Variants in DNM2 observed in about 807,000 individuals in gnomAD.
DNM2 encodes the protein dynamin-2.
A neutral mutation model predicts 99.0 loss-of-function variants in DNM2; 15 were observed. The observed-to-expected ratio is 0.15, with a 90% CI of 0.10 to 0.23. The LOEUF is 0.23. Ranked by LOEUF, DNM2 falls within the 10% of genes least tolerant of loss-of-function variation. The probability of loss-of-function intolerance (pLI) is 1.00; values close to 1 mark genes in which losing one functional copy is unlikely to be tolerated. For synonymous variants in DNM2, 525 were observed against 481.2 expected, an observed-to-expected ratio of 1.09 and a Z score of -1.19; for missense variants, 742 against 1,189.4, an observed-to-expected ratio of 0.62 and a Z score of 5.53.
chr19:10,807,539 C>CTTTT (rs763788862), intron 13 of DNM2, among the ~76,000 whole-genome samples: 3 of 91,214 alleles, frequency 3.3e-5, no homozygotes, highest in African/African-American at 9.1e-5. Context: ...CACGTCCAGC[C>CTTTT]TTTTTTTTTT....
chr19:10,746,480 A>G (rs940607009), intron 1 of DNM2, among the ~76,000 whole-genome samples: 1 of 150,686 alleles, frequency 6.6e-6, no homozygotes, highest in Non-Finnish European at 1.5e-5. Flanking sequence ...CAGGAGTGTA[A>G]TGGTGTGATC....
intron 5 of DNM2, among the ~76,000 whole-genome samples, chr19:10,777,784 G>A (rs868734525): frequency 1.6e-4 from 25 of 151,736 alleles, no homozygotes; most frequent in Middle Eastern, 3.4e-3. Flanking sequence ...TACTAGAGAC[G>A]GGGTTTCACT....
At chr19:10,827,698 C>CCCT (rs1458414009) in intron 18 of DNM2, among the ~76,000 whole-genome samples, 1 of 151,558 alleles carries the variant, frequency 6.6e-6, no homozygotes, top group Non-Finnish European at 1.5e-5. Flanking sequence ...GCTGAAACCC[C>CCCT]CCTCTACTAA....
intron 5 of DNM2, among the ~76,000 whole-genome samples, chr19:10,779,214 CAAAA>C (rs771369368): frequency 9.9e-6 from 1 of 100,504 alleles, no homozygotes. Flanking sequence ...GGGTCTGTCT[CAAAA>C]AAAAAAAAAA....
chr19:10,745,617 AG>A, intron 1 of DNM2, among the ~76,000 whole-genome samples: 1 of 152,214 alleles, frequency 6.6e-6, no homozygotes. Flanking sequence ...GGATCGCTTC[AG>A]CCCAGGAGTT....
chr19:10,732,727 C>T (rs1568267713), intron 1 of DNM2, among the ~76,000 whole-genome samples: 1 of 151,668 alleles, frequency 6.6e-6, no homozygotes, highest in African/African-American at 2.4e-5. Context: ...ATATATATTT[C>T]TAGGTGTGAC....
rs1297563032 is a variant in DNM2, at chr19:10,818,252, C to CT, written c.1672-1727dup. ...CTCCCTCCATGGCCACCGGGCCCCT[C>CT]TCCTATGCTCTGCTCCCTCCATGGC... On this transcript the variant is annotated intron_variant, in intron 15 of 20. Transcript: ENST00000389253. This position sits in a 1 kb window ranked among gnomAD's most constrained non-coding sequence, Gnocchi z 4.3. 4.6e-5 allele frequency among the ~76,000 whole-genome samples: 5 copies of CT among 107,752 alleles called. No individual in the cohort carries two copies. The highest frequency in any genetic ancestry group is 3.2e-4 in the South Asian group (1 of 3,096). 70.7% of individuals were successfully genotyped at this position (107,752 alleles called of 152,430 possible).
intron 6 of DNM2, among the ~76,000 whole-genome samples, chr19:10,785,930 C>T (rs2071543260): frequency 6.6e-6 from 1 of 151,930 alleles, no homozygotes; most frequent in Non-Finnish European, 1.5e-5. Flanking sequence ...TCCCAAGTAG[C>T]TGAGACTACA....
chr19:10,785,760 C>G (rs143322890), intron 6 of DNM2, among the ~76,000 whole-genome samples: 1 of 152,298 alleles, frequency 6.6e-6, no homozygotes, highest in Non-Finnish European at 1.5e-5. Context: ...GACAGATGGC[C>G]AAACTCTGCT....
rs1568326481 is a variant in DNM2, at chr19:10,831,673, C to T, written c.*626C>T. The T allele has an allele frequency of 2.0e-6, 2 of 979,336 alleles. No individual in the cohort carries two copies. Among genetic ancestry groups the T allele is most frequent in the African/African-American group, 1.8e-5 (1 of 57,082 alleles). 60.7% of individuals were successfully genotyped at this position (979,336 alleles called of 1,614,324 possible). A position where few individuals can be genotyped will look rare whatever the true frequency, so the allele number is the denominator to read the frequency against. On this transcript the variant is annotated 3_prime_UTR_variant, in exon 21 of 21. Transcript: ENST00000389253. This position sits in a 1 kb window ranked among gnomAD's most constrained non-coding sequence, Gnocchi z 4.3. ...CGGGCCGGCCTTGCCCTATTCCTCT[C>T]CTCCTCCTCCTCCTGGGTCCCCCAG... is the stretch of plus-strand genomic sequence containing the variant.
At position 10,760,295 on chromosome 19, in the gene DNM2, C is replaced by G. The variant is rs147328294; in HGVS notation, c.235+484C>G. Among the ~76,000 whole-genome samples the G allele has an allele frequency of 3.2e-3, 484 of 151,990 alleles. 1 individual carries two copies. The highest frequency in any genetic ancestry group is 0.011 in the African/African-American group (469 of 41,426). On this transcript the variant is annotated intron_variant, in intron 2 of 20. Transcript: ENST00000389253. ...ACCTCAAGTGACCCTCTCACTTCGG[C>G]CTCCCTAAGTGCTGGGATTACGGGC...
chr19:10,823,419 A>AAATAAT (rs907060995), intron 16 of DNM2: 1 of 151,562 alleles, frequency 6.6e-6, no homozygotes, highest in Non-Finnish European at 1.5e-5. Flanking sequence ...AAAAAAAAAT[A>AAATAAT]AATAATAATA....
At chr19:10,770,720 G>A (rs559623701) in intron 2 of DNM2, among the ~76,000 whole-genome samples, 32 of 152,314 alleles carry the variant, frequency 2.1e-4, no homozygotes, top group African/African-American at 5.1e-4. Context: ...GAGTGAGAGA[G>A]CTTCTGCAGG....
rs556445601 is a variant in DNM2, at chr19:10,811,831, A to G, written c.1558-433A>G. The stretch of plus-strand genomic sequence containing the variant: ...TTGGGACATGAGCCGCGCTCCTTCA[A>G]TGTCCTTGGGGAGGGCCCCTGGGCT... On this transcript the variant is annotated intron_variant, in intron 14 of 20. Transcript: ENST00000389253. The surrounding 1 kb of genome is among the most constrained non-coding windows in gnomAD (Gnocchi z 5.4). 5.5e-4 allele frequency: 282 copies of G among 515,982 alleles called. No homozygotes were observed. Among genetic ancestry groups the G allele is most frequent in the African/African-American group, 4.2e-3 (218 of 52,014 alleles). 32.0% of individuals were successfully genotyped at this position (515,982 alleles called of 1,614,324 possible). A position where few individuals can be genotyped will look rare whatever the true frequency, so the allele number is the denominator to read the frequency against.
chr19:10,795,147 C>G lies in DNM2; in HGVS notation c.1129-225C>G, dbSNP rs577448382. ...TGTTGCCCAGGCTGGTCTCAAACTC[C>G]TGGGCTCAAGCCATCTGCCTGCCTT... is the stretch of plus-strand genomic sequence containing the variant. On this transcript the variant is annotated intron_variant, in intron 8 of 20. Transcript: ENST00000389253. The surrounding 1 kb of genome is among the most constrained non-coding windows in gnomAD (Gnocchi z 4.2). 6.6e-6 allele frequency among the ~76,000 whole-genome samples: 1 copy of G among 152,302 alleles called. No individual in the cohort carries two copies. The highest frequency in any genetic ancestry group is 6.5e-5 in the Admixed American group (1 of 15,296).
At chr19:10,798,159 T>C (rs545051183) in intron 10 of DNM2, among the ~76,000 whole-genome samples, 10 of 152,306 alleles carry the variant, frequency 6.6e-5, no homozygotes, top group African/African-American at 2.4e-4. Flanking sequence ...TCTCACCCAG[T>C]GCTGGGCAAG....
At chr19:10,742,776 C>T (rs2069801708) in intron 1 of DNM2, among the ~76,000 whole-genome samples, 1 of 152,144 alleles carries the variant, frequency 6.6e-6, no homozygotes, top group African/African-American at 2.4e-5. Context: ...TGCCAATAGA[C>T]CGGATGACTT....
intron 6 of DNM2, 143 bp from the exon 7 acceptor site, chr19:10,786,421 C>A: frequency 7.8e-7 from 1 of 1,288,740 alleles, no homozygotes; most frequent in Non-Finnish European, 1.1e-6. Context: ...CTTGATTTAT[C>A]TGTTGCTGTC....
chr19:10,759,136 T>C (rs1182791816), intron 1 of DNM2, among the ~76,000 whole-genome samples: 1 of 152,166 alleles, frequency 6.6e-6, no homozygotes, highest in Non-Finnish European at 1.5e-5. Flanking sequence ...TTAGTTTAGT[T>C]TTTGTAGAGA....
Sources: gnomAD v4.1 joint callset for allele counts (sites outside exome capture counted in the v4.1 genomes callset) on GRCh38, gnomAD v4.1.1 for gene constraint, Gnocchi (gnomAD v3.1) non-coding constraint, MANE v1.5 for transcripts, NCBI Gene and HGNC (gene_info 2026-07-23, HGNC 2026-07-21) for gene names.